The following TSHZ1 variants were observed in gnomAD, a reference collection of about 807,000 sequenced individuals.
TSHZ1 encodes teashirt homolog 1.
In TSHZ1, 12 loss-of-function variants were observed where a neutral mutation model predicts 67.1. The observed-to-expected ratio is 0.18, with a 90% CI of 0.11 to 0.29. The LOEUF is 0.29. Ranked by LOEUF, TSHZ1 falls within the 10% of genes least tolerant of loss-of-function variation. TSHZ1 has a pLI of 1.00. For missense variants in TSHZ1, 1,305 were observed against 1,413.9 expected (o/e 0.92, Z 1.23); for synonymous variants, 632 against 622.4 (o/e 1.02, Z -0.23).
intron 1 of TSHZ1, among the ~76,000 whole-genome samples, chr18:75,253,420 A>G (rs1259921634): frequency 6.6e-6 from 1 of 152,266 alleles, no homozygotes; most frequent in Non-Finnish European, 1.5e-5. Context: ...AAAAAATCAA[A>G]TATCAGTTGA....
At chr18:75,275,756 G>T (rs1260630268) in intron 1 of TSHZ1, among the ~76,000 whole-genome samples, 1 of 152,186 alleles carries the variant, frequency 6.6e-6, no homozygotes, top group Non-Finnish European at 1.5e-5. Flanking sequence ...TGTTTTGAGT[G>T]CAGGTCATTG....
intron 1 of TSHZ1, among the ~76,000 whole-genome samples, chr18:75,241,166 A>C (rs79977607): frequency 0.016 from 2,394 of 152,294 alleles, 68 homozygotes; most frequent in African/African-American, 0.053. Flanking sequence ...TTTCAAACAA[A>C]ACACGTTCCC....
intron 1 of TSHZ1, among the ~76,000 whole-genome samples, chr18:75,232,898 T>C (rs2023018504): frequency 6.6e-6 from 1 of 152,268 alleles, no homozygotes; most frequent in African/African-American, 2.4e-5. Context: ...AGTAACCTCA[T>C]GTCTGTTCTG....
chr18:75,278,562 A>ACGGG (rs894903872), intron 1 of TSHZ1, among the ~76,000 whole-genome samples: 4 of 152,002 alleles, frequency 2.6e-5, no homozygotes, highest in African/African-American at 9.7e-5. Context: ...TTGGAAGGGT[A>ACGGG]CGGGCCCTTG....
At chr18:75,243,126 T>C (rs1017952552) in intron 1 of TSHZ1, among the ~76,000 whole-genome samples, 9 of 152,192 alleles carry the variant, frequency 5.9e-5, no homozygotes, top group African/African-American at 2.2e-4. Flanking sequence ...GGCACCTTTC[T>C]GTGGGGTTCT....
chr18:75,221,293 A>G (rs966682962), intron 1 of TSHZ1: 1 of 152,244 alleles, frequency 6.6e-6, no homozygotes, highest in African/African-American at 2.4e-5. Flanking sequence ...ATTTGGTTAT[A>G]AAAAATATCC....
rs2023795977 is a variant in TSHZ1 at position 75,287,609 on chromosome 18, G to A, written c.2202G>A (p.Met734Ile). 6.2e-7 allele frequency: 1 copy of A among 1,614,026 alleles called. No homozygotes were observed. The highest frequency in any genetic ancestry group is 1.3e-5 in the African/African-American group (1 of 74,920). Residue 734 changes from methionine to isoleucine, a missense_variant, in exon 2 of 2, where the codon ATG becomes ATA. Coordinates refer to ENST00000580243, the MANE Select transcript of TSHZ1 (RefSeq NM_001308210.2). The surrounding 1 kb of genome is among the most constrained non-coding windows in gnomAD (Gnocchi z 5.0). Reference sequence around the variant, plus strand: ...GCTGTAACAACCTGGGGATCATCATGGACCACTCACCGGAGCCTTCCTTCA... The same window carrying A: ...GCTGTAACAACCTGGGGATCATCATAGACCACTCACCGGAGCCTTCCTTCA... The part of the protein sequence containing the change: ...TNGCNNLGII[M>I]DHSPEPSFIN...
At chr18:75,222,133 G>C (rs893976548) in intron 1 of TSHZ1, among the ~76,000 whole-genome samples, 1 of 152,116 alleles carries the variant, frequency 6.6e-6, no homozygotes, top group Non-Finnish European at 1.5e-5. Flanking sequence ...ACAAAGGTCT[G>C]TGTTGTGTAG....
At chr18:75,246,429 TG>T (rs2023224289) in intron 1 of TSHZ1, among the ~76,000 whole-genome samples, 1 of 150,564 alleles carries the variant, frequency 6.6e-6, no homozygotes, top group Non-Finnish European at 1.5e-5. Context: ...TGTGTGTGTG[TG>T]TGTGTGTGTG....
chr18:75,235,518 A>C (rs542549511), intron 1 of TSHZ1, among the ~76,000 whole-genome samples: 1 of 152,054 alleles, frequency 6.6e-6, no homozygotes, highest in Admixed American at 6.5e-5. Context: ...TGGCCCATTC[A>C]TTTGTTTATC....
chr18:75,287,919 A>G lies in TSHZ1; in HGVS notation c.2512A>G (p.Met838Val), dbSNP rs144268338. Residue 838 changes from methionine (M) to valine (V), a missense_variant, in exon 2 of 2, where the codon ATG becomes GTG. Met to Val is a conservative substitution (Grantham distance 21, BLOSUM62 1). Coordinates refer to ENST00000580243, the MANE Select transcript of TSHZ1 (RefSeq NM_001308210.2). The surrounding 1 kb of genome is among the most constrained non-coding windows in gnomAD (Gnocchi z 5.0). ...ATCACCTCTGCGGGAGAGCGCACTCATGGACATCTCCGACATGGTGAAAAA... is the reference window on the plus strand; with the variant it reads ...ATCACCTCTGCGGGAGAGCGCACTCGTGGACATCTCCGACATGGTGAAAAA... ...VASPLRESALMDISDMVKNLT... is the reference protein window; with the variant it reads ...VASPLRESALVDISDMVKNLT... 4 of 1,614,200 alleles carry G rather than the reference A, an allele frequency of 2.5e-6. No homozygotes were observed. The highest frequency in any genetic ancestry group is 3.4e-6 in the Non-Finnish European group (4 of 1,180,044).
intron 1 of TSHZ1, among the ~76,000 whole-genome samples, chr18:75,236,432 A>G (rs891213940): frequency 6.6e-5 from 10 of 152,116 alleles, no homozygotes; most frequent in Non-Finnish European, 1.0e-4. Flanking sequence ...CCATATCCCA[A>G]AGTCACATTG....
intron 1 of TSHZ1, among the ~76,000 whole-genome samples, chr18:75,265,690 T>C (rs2023482330): frequency 6.6e-6 from 1 of 152,208 alleles, no homozygotes; most frequent in African/African-American, 2.4e-5. Context: ...AAACATCCAG[T>C]GGATAAATCT....
In TSHZ1 at chr18:75,211,800, C is replaced by T. The variant is rs1438382028; in HGVS notation, c.-77C>T. The T allele has an allele frequency of 2.0e-6, 2 of 984,030 alleles. No individual in the cohort carries two copies. Among genetic ancestry groups the T allele is most frequent in the East Asian group, 9.5e-5 (1 of 10,482 alleles). 61.0% of individuals were successfully genotyped at this position (984,030 alleles called of 1,614,324 possible). On this transcript the variant is annotated 5_prime_UTR_variant, in exon 1 of 2. Transcript: ENST00000580243. ...GTTGGGCGCGCCGCGGAGTTGCGCC[C>T]GCGCCCGGGGCCCCGCGTCCCCGCG...
Position 75,281,358 on chromosome 18 carries a change from G to A in TSHZ1, c.41-4090G>A, listed in dbSNP as rs2023682787. 6.6e-6 allele frequency among the ~76,000 whole-genome samples: 1 copy of A among 152,192 alleles called. No individual in the cohort carries two copies. Among genetic ancestry groups the A allele is most frequent in the Non-Finnish European group, 1.5e-5 (1 of 68,028 alleles). ...ATTCAGAAGGAGGAGAAAGTGTGCT[G>A]TTGTTTTGAGGAGGAGGGTGCTGGA... On this transcript the variant is annotated intron_variant, in intron 1 of 1. Transcript: ENST00000580243. This position sits in a 1 kb window ranked among gnomAD's most constrained non-coding sequence, Gnocchi z 5.3.
Position 75,285,595 on chromosome 18 carries a change from C to T in TSHZ1, c.188C>T (p.Pro63Leu). Residue 63 changes from proline (P) to leucine (L), a missense_variant, in exon 2 of 2, where the codon CCA becomes CTA. Pro to Leu is a moderately conservative substitution (Grantham distance 98). This residue lies in a region of TSHZ1 where 358 missense variants were observed against 375.6 expected (regional missense o/e 0.95). Coordinates refer to ENST00000580243, the MANE Select transcript of TSHZ1 (RefSeq NM_001308210.2). ...GAGGCGCAGAGCTACCAGAACTCCC[C>T]AGTCAGCTCTGCGACTAACCAGGAC... The part of the protein sequence containing the change: ...IKEAQSYQNS[P>L]VSSATNQDAG... 1.2e-6 allele frequency: 2 copies of T among 1,608,976 alleles called. No individual in the cohort carries two copies. The highest frequency in any genetic ancestry group is 1.7e-6 in the Non-Finnish European group (2 of 1,176,222).
intron 1 of TSHZ1, among the ~76,000 whole-genome samples, chr18:75,219,213 A>T (rs1369528139): frequency 6.6e-6 from 1 of 152,220 alleles, no homozygotes; most frequent in Non-Finnish European, 1.5e-5. Flanking sequence ...GTAAAATGTA[A>T]ATATCAGCAT....
intron 1 of TSHZ1, among the ~76,000 whole-genome samples, chr18:75,268,203 A>G (rs1568364795): frequency 1.3e-5 from 2 of 152,134 alleles, no homozygotes; most frequent in Non-Finnish European, 2.9e-5. Context: ...TCATTTTCCA[A>G]TGGGCAGATT....
At chr18:75,268,085 C>T (rs902865750) in intron 1 of TSHZ1, among the ~76,000 whole-genome samples, 1 of 152,190 alleles carries the variant, frequency 6.6e-6, no homozygotes, top group African/African-American at 2.4e-5. Context: ...AATTTGGAAA[C>T]TTAACAGTTT....
Sources: allele counts gnomAD v4.1 joint callset (sites outside exome capture counted in the v4.1 genomes callset), GRCh38; gene constraint gnomAD v4.1.1; regional missense constraint gnomAD v4.1.1; non-coding constraint Gnocchi (gnomAD v3.1); transcripts MANE v1.5; gene names NCBI Gene and HGNC (gene_info 2026-07-23, HGNC 2026-07-21).